The following KCNAB1 variants were observed in gnomAD, a reference collection of about 807,000 sequenced individuals.
KCNAB1 encodes the protein voltage-gated potassium channel subunit beta-1.
KCNAB1 carries 35 observed loss-of-function variants against 64.6 expected under a neutral mutation model. The ratio of observed to expected loss-of-function variants is 0.54; its 90% CI spans 0.41 to 0.72. The LOEUF (loss-of-function observed/expected upper bound fraction) is 0.72. KCNAB1 is among the 30% of genes least tolerant of loss of function. The pLI is 0.00. For missense variants in KCNAB1, 401 were observed against 512.9 expected (o/e 0.78, Z 2.11); for synonymous variants, 177 against 183.8 (o/e 0.96, Z 0.30).
At chr3:156,134,196 G>T in intron 1 of KCNAB1, among the ~76,000 whole-genome samples, 1 of 152,010 alleles carries the variant, frequency 6.6e-6, no homozygotes, top group South Asian at 2.1e-4. Context: ...ATATCCTCAG[G>T]GGCTATTAAA....
At chr3:156,236,623 T>C (rs928442990) in intron 1 of KCNAB1, among the ~76,000 whole-genome samples, 1 of 152,178 alleles carries the variant, frequency 6.6e-6, no homozygotes, top group African/African-American at 2.4e-5. Context: ...CTTGATACTT[T>C]GCACTGCCTC....
chr3:156,290,967 TCA>T, intron 1 of KCNAB1: 1 of 985,434 alleles, frequency 1.0e-6, no homozygotes, highest in Non-Finnish European at 1.2e-6. Flanking sequence ...AGCAAGCCAG[TCA>T]CAGAGTATTC....
rs562912323 is a variant in KCNAB1 at position 156,395,494 on chromosome 3, G to A, written c.276-26122G>A. Among the ~76,000 whole-genome samples the A allele has an allele frequency of 1.3e-4, 16 of 123,852 alleles. No homozygotes were observed. The East Asian group carries it at 3.8e-3, about 29-fold the overall frequency. The allele number at this position is 123,852 out of a possible 152,430, so 81.3% of individuals were successfully genotyped here. ...AGGGAGGCGGAGCTTGCAGTGAGCC[G>A]AGATCCCGCCACTGCACTCCAGCCT... On this transcript the variant is annotated intron_variant, in intron 1 of 13. Transcript: ENST00000490337.
At chr3:156,383,139 G>A (rs914985204) in intron 1 of KCNAB1, among the ~76,000 whole-genome samples, 1 of 152,220 alleles carries the variant, frequency 6.6e-6, no homozygotes, top group Non-Finnish European at 1.5e-5. Context: ...AATAGGCAGT[G>A]TGAAGAGATT....
In KCNAB1 at chr3:156,351,380, G is replaced by A. The variant is rs3772244; in HGVS notation, c.276-70236G>A. ...AGAGACCTAAAGACAGGCGTGCATG[G>A]ATGTAGGCTCTCTCTTCCCACTGCC... is the stretch of plus-strand genomic sequence containing the variant. On this transcript the variant is annotated intron_variant, in intron 1 of 13. Transcript: ENST00000490337. Among the ~76,000 whole-genome samples the A allele has an allele frequency of 1.3e-4, 20 of 152,338 alleles. No homozygotes were observed. The East Asian group carries it at 3.9e-3, about 29-fold the overall frequency.
chr3:156,530,793 C>T (rs920743568), intron 12 of KCNAB1, among the ~76,000 whole-genome samples: 23 of 152,058 alleles, frequency 1.5e-4, no homozygotes, highest in Non-Finnish European at 4.4e-5. Context: ...GAACCAGAAA[C>T]CTAGAGTCTA....
At chr3:156,163,071 T>G (rs982112229) in intron 1 of KCNAB1, among the ~76,000 whole-genome samples, 2 of 152,230 alleles carry the variant, frequency 1.3e-5, no homozygotes, top group African/African-American at 4.8e-5. Context: ...GAAAGTAAGA[T>G]TCACACTATG....
chr3:156,536,604 C>A (rs1481988073), intron 13 of KCNAB1, 54 bp from the exon 14 acceptor site: 11 of 1,257,820 alleles, frequency 8.7e-6, no homozygotes, highest in African/African-American at 1.5e-5. Context: ...GCACAAAAAA[C>A]CGAATGATCA....
intron 2 of KCNAB1, among the ~76,000 whole-genome samples, chr3:156,448,741 G>T (rs966930776): frequency 7.6e-6 from 1 of 131,398 alleles, no homozygotes; most frequent in Non-Finnish European, 1.5e-5. Context: ...TCATAATAAA[G>T]ATGTTTGTTT....
Position 156,390,651 on chromosome 3 carries a change from C to T in KCNAB1, c.276-30965C>T, listed in dbSNP as rs184470919. Reference sequence around the variant, plus strand: ...AGGCTGGAGTGCAGTGGCATGATCTCGGCTCACTTCAAGCTCTGCCTCCTG... The same window carrying T: ...AGGCTGGAGTGCAGTGGCATGATCTTGGCTCACTTCAAGCTCTGCCTCCTG... On this transcript the variant is annotated intron_variant, in intron 1 of 13. Coordinates refer to ENST00000490337, the MANE Select transcript of KCNAB1 (RefSeq NM_172160.3). Among the ~76,000 whole-genome samples, 1,069 of 151,964 alleles carry T rather than the reference C, an allele frequency of 7.0e-3. 16 individuals carry two copies. Among genetic ancestry groups the T allele is most frequent in the African/African-American group, 0.025 (1,033 of 41,432 alleles).
chr3:156,150,819 A>G (rs1414336679), intron 1 of KCNAB1, among the ~76,000 whole-genome samples: 2 of 152,188 alleles, frequency 1.3e-5, no homozygotes, highest in Admixed American at 1.3e-4. Context: ...AGTGAGAAAA[A>G]AATTAAAAAG....
intron 7 of KCNAB1, among the ~76,000 whole-genome samples, chr3:156,465,963 GCTT>G: frequency 6.6e-6 from 1 of 152,194 alleles, no homozygotes; most frequent in Non-Finnish European, 1.5e-5. Context: ...TTTTAAAAGA[GCTT>G]TATTGAGATA....
intron 1 of KCNAB1, among the ~76,000 whole-genome samples, chr3:156,355,290 A>G (rs1725154899): frequency 6.6e-6 from 1 of 152,234 alleles, no homozygotes. Context: ...TATTTTAATT[A>G]ACATAATTTT....
intron 1 of KCNAB1, among the ~76,000 whole-genome samples, chr3:156,278,968 T>C (rs1719523230): frequency 6.6e-6 from 1 of 152,068 alleles, no homozygotes; most frequent in Non-Finnish European, 1.5e-5. Context: ...TTTATTTATT[T>C]TTTATTTTTA....
At chr3:156,235,952 A>G (rs1210705465) in intron 1 of KCNAB1, among the ~76,000 whole-genome samples, 3 of 152,216 alleles carry the variant, frequency 2.0e-5, no homozygotes, top group Admixed American at 1.3e-4. Flanking sequence ...GGCTACCAGT[A>G]TAGAGCAATT....
intron 1 of KCNAB1, among the ~76,000 whole-genome samples, chr3:156,312,414 T>A (rs898908014): frequency 6.6e-6 from 1 of 152,110 alleles, no homozygotes; most frequent in Non-Finnish European, 1.5e-5. Context: ...CCCCAAAATA[T>A]GTAAGTATGA....
chr3:156,354,188 C>A (rs186303003), intron 1 of KCNAB1, among the ~76,000 whole-genome samples: 7 of 145,758 alleles, frequency 4.8e-5, no homozygotes, highest in African/African-American at 1.2e-4. Context: ...ACGGAGATTT[C>A]TCTTAGTACC....
intron 1 of KCNAB1, among the ~76,000 whole-genome samples, chr3:156,348,072 G>T (rs1724602005): frequency 6.6e-6 from 1 of 152,102 alleles, no homozygotes; most frequent in Non-Finnish European, 1.5e-5. Context: ...ATAAAATAAT[G>T]TAGGCTAGGA....
At chr3:156,196,301 T>C (rs1048924769) in intron 1 of KCNAB1, among the ~76,000 whole-genome samples, 1 of 152,244 alleles carries the variant, frequency 6.6e-6, no homozygotes, top group East Asian at 1.9e-4. Flanking sequence ...GGCTCTTTTT[T>C]GGTCTCCTGT....
Sources: allele counts gnomAD v4.1 joint callset (sites outside exome capture counted in the v4.1 genomes callset), GRCh38; gene constraint gnomAD v4.1.1; transcripts MANE v1.5; gene names NCBI Gene and HGNC (gene_info 2026-07-23, HGNC 2026-07-21).